Variants in RABGAP1L observed in about 807,000 individuals in gnomAD.
The protein encoded by RABGAP1L is RAB GTPase activating protein 1 like.
In RABGAP1L, 63 loss-of-function variants were observed where a neutral mutation model predicts 137.7. That is an observed-to-expected ratio of 0.46 (90% CI 0.37 to 0.56). RABGAP1L has a LOEUF of 0.56. RABGAP1L is among the 20% of genes least tolerant of loss of function. The pLI is 0.00. For missense variants in RABGAP1L, 1,095 were observed against 1,244.0 expected (o/e 0.88, Z 1.80); for synonymous variants, 431 against 433.7 (o/e 0.99, Z 0.08).
intron 13 of RABGAP1L, among the ~76,000 whole-genome samples, chr1:174,541,373 T>G (rs1364893913): frequency 6.6e-6 from 1 of 152,216 alleles, no homozygotes; most frequent in Non-Finnish European, 1.5e-5. Flanking sequence ...TGTGCCAGTT[T>G]TCAAAGGGAG....
At chr1:174,556,463 G>A (rs1479019093) in intron 13 of RABGAP1L, among the ~76,000 whole-genome samples, 1 of 152,144 alleles carries the variant, frequency 6.6e-6, no homozygotes, top group Admixed American at 6.5e-5. Context: ...AAGGTGGGAG[G>A]CCAGTTAGGA....
chr1:174,825,187 T>C (rs1691441796), intron 19 of RABGAP1L, among the ~76,000 whole-genome samples: 1 of 152,228 alleles, frequency 6.6e-6, no homozygotes, highest in Non-Finnish European at 1.5e-5. Flanking sequence ...TAAATACTCA[T>C]TATTGGTTTT....
At chr1:174,170,656 A>G (rs1467962645) in intron 1 of RABGAP1L, among the ~76,000 whole-genome samples, 4 of 134,016 alleles carry the variant, frequency 3.0e-5, no homozygotes, top group African/African-American at 1.2e-4. Flanking sequence ...GCCTGGACAG[A>G]GTGAGACGCT....
At chr1:174,670,589 G>A (rs542002864) in intron 14 of RABGAP1L, among the ~76,000 whole-genome samples, 8 of 151,930 alleles carry the variant, frequency 5.3e-5, no homozygotes, top group African/African-American at 1.9e-4. Flanking sequence ...CTTCTATTCT[G>A]TATGTCCATG....
At chr1:174,987,019 A>G (rs1242637317) in intron 24 of RABGAP1L, among the ~76,000 whole-genome samples, 1 of 152,178 alleles carries the variant, frequency 6.6e-6, no homozygotes, top group African/African-American at 2.4e-5. Context: ...GAGAGTGACA[A>G]GTTTTGTTTT....
chr1:174,731,553 A>G lies in RABGAP1L; in HGVS notation c.2170-20760A>G, dbSNP rs75699742. Among the ~76,000 whole-genome samples the G allele has an allele frequency of 9.5e-3, 1,444 of 152,322 alleles. 24 individuals carry two copies. Among genetic ancestry groups the G allele is most frequent in the African/African-American group, 0.033 (1,385 of 41,574 alleles). On this transcript the variant is annotated intron_variant, in intron 17 of 25. Transcript: ENST00000681986. Reference sequence around the variant, plus strand: ...AGTGGATAATCTGAATGCAAAATCAACCAACAAAAGAAACAAACAAAAAAA... The same window carrying G: ...AGTGGATAATCTGAATGCAAAATCAGCCAACAAAAGAAACAAACAAAAAAA...
intron 19 of RABGAP1L, among the ~76,000 whole-genome samples, chr1:174,931,510 T>C (rs1008951458): frequency 6.6e-6 from 1 of 152,208 alleles, no homozygotes; most frequent in African/African-American, 2.4e-5. Context: ...CATGTTTTTT[T>C]AAAAAGAGAC....
intron 11 of RABGAP1L, among the ~76,000 whole-genome samples, chr1:174,307,027 A>G (rs559115093): frequency 1.3e-5 from 2 of 152,314 alleles, no homozygotes; most frequent in African/African-American, 2.4e-5. Flanking sequence ...AGTGCTTACT[A>G]TATGCTAAGA....
At chr1:174,358,680 A>C (rs1163658332) in intron 11 of RABGAP1L, among the ~76,000 whole-genome samples, 2 of 152,294 alleles carry the variant, frequency 1.3e-5, no homozygotes, top group Non-Finnish European at 2.9e-5. Context: ...GTATACTTTA[A>C]CAGACTGAAT....
At chr1:174,216,952 G>A (rs144326437) in intron 1 of RABGAP1L, among the ~76,000 whole-genome samples, 9 of 152,216 alleles carry the variant, frequency 5.9e-5, no homozygotes, top group East Asian at 3.9e-4. Flanking sequence ...GAACAATGAC[G>A]TAGATTGAGG....
chr1:174,902,143 G>T (rs1053583515), intron 19 of RABGAP1L, among the ~76,000 whole-genome samples: 12 of 152,222 alleles, frequency 7.9e-5, no homozygotes, highest in Non-Finnish European at 1.6e-4. Context: ...ATTGGGAATT[G>T]TCACCCAGTC....
intron 10 of RABGAP1L, among the ~76,000 whole-genome samples, chr1:174,298,160 C>T (rs953088732): frequency 6.6e-6 from 1 of 152,178 alleles, no homozygotes; most frequent in African/African-American, 2.4e-5. Flanking sequence ...GAGCAGGCGT[C>T]CCTGGTTCCC....
intron 10 of RABGAP1L, among the ~76,000 whole-genome samples, chr1:174,281,324 A>G (rs1433779266): frequency 6.6e-6 from 1 of 152,106 alleles, no homozygotes; most frequent in East Asian, 1.9e-4. Context: ...GGTCCATTTT[A>G]CAGAGTGCTG....
At chr1:174,204,746 C>A (rs1053889860) in intron 1 of RABGAP1L, among the ~76,000 whole-genome samples, 1 of 152,096 alleles carries the variant, frequency 6.6e-6, no homozygotes, top group Non-Finnish European at 1.5e-5. Flanking sequence ...CGGATGTCTC[C>A]CTTGCTGTTC....
chr1:174,935,394 C>T (rs1664601643), intron 19 of RABGAP1L: 1 of 152,166 alleles, frequency 6.6e-6, no homozygotes, highest in South Asian at 2.1e-4. Flanking sequence ...CATATACCCA[C>T]TCACATTTAC....
At chr1:174,195,512 C>T (rs1667508035) in intron 1 of RABGAP1L, among the ~76,000 whole-genome samples, 1 of 151,972 alleles carries the variant, frequency 6.6e-6, no homozygotes, top group Non-Finnish European at 1.5e-5. Context: ...ACTGAGGAGC[C>T]AGATTGTTTG....
At chr1:174,851,871 G>C (rs1648420710) in intron 19 of RABGAP1L, among the ~76,000 whole-genome samples, 1 of 151,718 alleles carries the variant, frequency 6.6e-6, no homozygotes, top group Non-Finnish European at 1.5e-5. Context: ...AAAATTCCTG[G>C]GTTTATGTGA....
At chr1:174,629,995 GT>G (rs1673223200) in intron 13 of RABGAP1L, among the ~76,000 whole-genome samples, 1 of 151,626 alleles carries the variant, frequency 6.6e-6, no homozygotes, top group South Asian at 2.1e-4. Context: ...AATGCTTCCA[GT>G]TTTTGCCCAT....
intron 13 of RABGAP1L, among the ~76,000 whole-genome samples, chr1:174,597,152 C>T (rs780321489): frequency 1.3e-5 from 2 of 151,940 alleles, no homozygotes; most frequent in African/African-American, 4.8e-5. Flanking sequence ...TATCAATGTT[C>T]GTCAGAAATG....
Sources: allele counts gnomAD v4.1 joint callset (sites outside exome capture counted in the v4.1 genomes callset), GRCh38; gene constraint gnomAD v4.1.1; transcripts MANE v1.5; gene names NCBI Gene and HGNC (gene_info 2026-07-23, HGNC 2026-07-21).